PRIM2: variants seen among roughly 807,000 people sequenced by gnomAD.
The protein encoded by PRIM2 is DNA primase large subunit.
Under a neutral mutation model 67.3 loss-of-function variants are expected in PRIM2, and 39 were observed. The ratio of observed to expected loss-of-function variants is 0.58; its 90% confidence interval spans 0.45 to 0.76. The LOEUF is 0.76. PRIM2 is among the 30% of genes least tolerant of loss of function. The pLI, the probability that PRIM2 is intolerant of heterozygous loss-of-function variation, is 0.00. For missense variants in PRIM2, 398 were observed against 598.7 expected (o/e 0.66, Z 3.50); for synonymous variants, 143 against 198.7 (o/e 0.72, Z 2.36).
intron 5 of PRIM2, among the ~76,000 whole-genome samples, chr6:57,329,242 C>T (rs551033336): frequency 6.6e-6 from 1 of 152,074 alleles, no homozygotes; most frequent in Admixed American, 6.5e-5. Context: ...TTTACTCCTA[C>T]AGTTTTTTCT....
intron 7 of PRIM2, among the ~76,000 whole-genome samples, chr6:57,414,403 G>T (rs1446696168): frequency 4.6e-5 from 7 of 152,102 alleles, no homozygotes; most frequent in African/African-American, 1.7e-4. Flanking sequence ...TGGGAGAGAG[G>T]TGTTCTCAAT....
At chr6:57,363,403 T>C (rs563257520) in intron 5 of PRIM2, among the ~76,000 whole-genome samples, 1 of 152,352 alleles carries the variant, frequency 6.6e-6, no homozygotes, top group South Asian at 2.1e-4. Context: ...TCTGTCTTCA[T>C]GTTGCATTAG....
intron 5 of PRIM2, among the ~76,000 whole-genome samples, chr6:57,357,624 G>T (rs1489092487): frequency 1.4e-5 from 2 of 142,254 alleles, no homozygotes; most frequent in African/African-American, 2.6e-5. Flanking sequence ...AGACAGTTTC[G>T]CTCTTGTTGC....
At chr6:57,311,492 T>C (rs77738481), upstream of PRIM2, among the ~76,000 whole-genome samples, 5 of 137,838 alleles carry the variant, frequency 3.6e-5, no homozygotes, top group South Asian at 2.5e-4. Context: ...CAGAGGCGCT[T>C]CTCACGTCCC....
intron 8 of PRIM2, among the ~76,000 whole-genome samples, chr6:57,508,950 C>T (rs1774303901): frequency 6.6e-6 from 1 of 152,192 alleles, no homozygotes; most frequent in South Asian, 2.1e-4. Flanking sequence ...TTTATGTAGT[C>T]AAGCACCAAT....
chr6:57,574,103 C>T (rs1167348738), intron 10 of PRIM2, among the ~76,000 whole-genome samples: 5 of 151,990 alleles, frequency 3.3e-5, no homozygotes, highest in Non-Finnish European at 5.9e-5. Flanking sequence ...TCCGATTGGC[C>T]ATGAGGCAAA....
intron 7 of PRIM2, among the ~76,000 whole-genome samples, chr6:57,392,052 G>A (rs1770369057): frequency 6.6e-6 from 1 of 152,016 alleles, no homozygotes; most frequent in Non-Finnish European, 1.5e-5. Context: ...ATTTCTTTGA[G>A]CAGTATTTTG....
chr6:57,408,874 C>T (rs533003984), intron 7 of PRIM2, among the ~76,000 whole-genome samples: 2 of 152,024 alleles, frequency 1.3e-5, no homozygotes, highest in Non-Finnish European at 2.9e-5. Flanking sequence ...GTACACCTGG[C>T]TAATTTGTAA....
intron 7 of PRIM2, among the ~76,000 whole-genome samples, chr6:57,468,136 A>G (rs1483385983): frequency 6.6e-6 from 1 of 152,098 alleles, no homozygotes; most frequent in Non-Finnish European, 1.5e-5. Flanking sequence ...CTCTTGCCTG[A>G]TTTCCCTAGC....
At chr6:57,552,752 A>G (rs1775429030) in intron 10 of PRIM2, among the ~76,000 whole-genome samples, 1 of 151,964 alleles carries the variant, frequency 6.6e-6, no homozygotes, top group African/African-American at 2.4e-5. Context: ...CCTGTATGCC[A>G]TCCTTACCCT....
the PRIM2 span, among the ~76,000 whole-genome samples, chr6:57,243,149 C>G: frequency 7.2e-5 from 11 of 152,208 alleles, no homozygotes; most frequent in African/African-American, 2.7e-4. Context: ...TGCATAGCCT[C>G]TTAGAATGCA....
intron 7 of PRIM2, among the ~76,000 whole-genome samples, chr6:57,394,767 T>C (rs1438652979): frequency 6.6e-6 from 1 of 152,190 alleles, no homozygotes; most frequent in Non-Finnish European, 1.5e-5. Flanking sequence ...CTTTCAACTT[T>C]ACCCCATTCA....
chr6:57,523,464 C>T (rs1774673049), intron 8 of PRIM2, among the ~76,000 whole-genome samples: 1 of 152,232 alleles, frequency 6.6e-6, no homozygotes, highest in African/African-American at 2.4e-5. Flanking sequence ...AGAGAAGTTG[C>T]AGCCAATTCC....
chr6:57,456,333 T>A (rs1167061763), intron 7 of PRIM2, among the ~76,000 whole-genome samples: 1 of 152,172 alleles, frequency 6.6e-6, no homozygotes. Context: ...ATGTTGGCCT[T>A]CCTTGCTAGA....
chr6:57,645,321 TCACACACA>T (rs1189530732), intron 13 of PRIM2, among the ~76,000 whole-genome samples: 8,287 of 132,736 alleles, frequency 0.062, 444 homozygotes, highest in African/African-American at 0.14. Flanking sequence ...ACAATGTCAT[TCACACACA>T]CACACACACA....
rs543253616 is a variant in PRIM2 at position 57,337,949 on chromosome 6, A to T, written c.459+11904A>T. On this transcript the variant is annotated intron_variant, in intron 5 of 13. Coordinates refer to ENST00000615550, the MANE Select transcript of PRIM2 (RefSeq NM_000947.5). ...TTTTTTGAAAGGATCAACAAAATTG[A>T]TAGACCGCTAGCAAGACTAATAAAG... 5.1e-4 allele frequency among the ~76,000 whole-genome samples: 78 copies of T among 151,778 alleles called. 1 individual carries two copies. The highest frequency in any genetic ancestry group is 1.9e-3 in the African/African-American group (76 of 41,070).
chr6:57,282,959 A>G, the PRIM2 span, among the ~76,000 whole-genome samples: 11 of 152,154 alleles, frequency 7.2e-5, no homozygotes, highest in African/African-American at 2.2e-4. Context: ...GCATTCTCTC[A>G]GGCATAACTA....
At chr6:57,262,378 A>G in the PRIM2 span, among the ~76,000 whole-genome samples, 6 of 152,160 alleles carry the variant, frequency 3.9e-5, no homozygotes, top group African/African-American at 1.4e-4. Flanking sequence ...CTCGACTGAA[A>G]GAAATGAACC....
the PRIM2 span, among the ~76,000 whole-genome samples, chr6:57,269,560 T>G: frequency 6.6e-6 from 1 of 152,100 alleles, no homozygotes; most frequent in Non-Finnish European, 1.5e-5. Context: ...ATTGCAAAAA[T>G]TTTCTCCCAT....
Sources: gnomAD v4.1 joint callset for allele counts (sites outside exome capture counted in the v4.1 genomes callset) on GRCh38, gnomAD v4.1.1 for gene constraint, MANE v1.5 for transcripts, NCBI Gene and HGNC (gene_info 2026-07-23, HGNC 2026-07-21) for gene names.